The following DOP1A variants were observed in gnomAD, a reference collection of about 807,000 sequenced individuals.
DOP1A encodes the protein DOP1 leucine zipper like protein A.
A neutral mutation model predicts 267.6 loss-of-function variants in DOP1A; 90 were observed. That is an observed-to-expected ratio of 0.34 (90% CI 0.28 to 0.40). DOP1A has a LOEUF of 0.40. Among genes scored for constraint, DOP1A ranks in the 10% least tolerant of loss-of-function variants. The probability of loss-of-function intolerance (pLI) is 1.00; values close to 1 mark genes in which losing one functional copy is unlikely to be tolerated. For synonymous variants in DOP1A, 932 were observed against 999.1 expected, an observed-to-expected ratio of 0.93 and a Z score of 1.27; for missense variants, 2,437 against 2,900.4, an observed-to-expected ratio of 0.84 and a Z score of 3.67.
intron 4 of DOP1A, among the ~76,000 whole-genome samples, chr6:83,106,167 A>T (rs945360267): frequency 1.3e-5 from 2 of 152,256 alleles, no homozygotes; most frequent in African/African-American, 4.8e-5. Flanking sequence ...AACCTATTAC[A>T]TGATAGAATA....
Position 83,157,396 on chromosome 6 carries a change from T to C in DOP1A, c.6741+78T>C, listed in dbSNP as rs1783023755. The C allele has an allele frequency of 2.8e-6, 4 of 1,443,668 alleles. No homozygotes were observed. The Admixed American group carries it at 7.1e-5, about 25-fold the overall frequency. 89.4% of individuals were successfully genotyped at this position (1,443,668 alleles called of 1,614,324 possible). ...TTAGTTTCCATGTGCTTACTAGATATTAACGAATATTGGGAGAGAACTGAG... is the reference window on the plus strand; with the variant it reads ...TTAGTTTCCATGTGCTTACTAGATACTAACGAATATTGGGAGAGAACTGAG... On this transcript the variant is annotated intron_variant, in intron 35 of 38. Coordinates refer to ENST00000349129, the MANE Select transcript of DOP1A (RefSeq NM_015018.4).
Position 83,167,978 on chromosome 6 carries a change from C to T in DOP1A, c.7209C>T (p.Leu2403=), listed in dbSNP as rs1377087855. The T allele has an allele frequency of 6.2e-7, 1 of 1,614,182 alleles. No individual in the cohort carries two copies. Among genetic ancestry groups the T allele is most frequent in the East Asian group, 2.2e-5 (1 of 44,880 alleles). ...AGCTCCTGCCGTTCTTCAATGTGCTCAGTCAAGTCTTCAACAGCAAAGTCA... is the reference window on the plus strand; with the variant it reads ...AGCTCCTGCCGTTCTTCAATGTGCTTAGTCAAGTCTTCAACAGCAAAGTCA... ...MEQLLPFFNV[L]SQVFNSKVTS... Residue 2403 remains leucine (L), a synonymous_variant, in exon 39 of 39, where the codon CTC becomes CTT. Transcript: ENST00000349129.
intron 3 of DOP1A, among the ~76,000 whole-genome samples, chr6:83,099,883 G>A (rs1772253373): frequency 1.3e-5 from 2 of 151,848 alleles, no homozygotes; most frequent in Non-Finnish European, 2.9e-5. Flanking sequence ...AGTTTATTCT[G>A]TAAAATAAGA....
chr6:83,138,118 AT>A lies in DOP1A; in HGVS notation c.4079del (p.Phe1360SerfsTer33). ...MGSPGSRKSP[N>X]FNIHPLYQHV... Reference sequence around the variant, plus strand: ...TCTCCAGGATCTCGAAAATCTCCCAATTTCAACATTCATCCTCTCTATCAAC... The same window carrying A: ...TCTCCAGGATCTCGAAAATCTCCCAATTCAACATTCATCCTCTCTATCAAC... On this transcript the variant is annotated frameshift_variant, in exon 21 of 39. Coordinates refer to ENST00000349129, the MANE Select transcript of DOP1A (RefSeq NM_015018.4). LOFTEE classifies it high-confidence loss of function. The A allele has an allele frequency of 2.5e-6, 4 of 1,613,864 alleles. No homozygotes were observed. Among genetic ancestry groups the A allele is most frequent in the Non-Finnish European group, 3.4e-6 (4 of 1,179,864 alleles).
downstream of DOP1A, chr6:83,169,606 A>G (rs528623606): frequency 2.2e-6 from 1 of 458,060 alleles, no homozygotes; most frequent in East Asian, 5.1e-5. Flanking sequence ...ATAAAACTTT[A>G]ATCCACAATT....
At chr6:83,107,886 C>A (rs1289560595) in intron 4 of DOP1A, among the ~76,000 whole-genome samples, 1 of 152,128 alleles carries the variant, frequency 6.6e-6, no homozygotes, top group Non-Finnish European at 1.5e-5. Context: ...GCAGAGGGTA[C>A]AGGAGTAAAA....
In DOP1A at chr6:83,128,951, G is replaced by C. The variant is rs753464181; in HGVS notation, c.1784G>C (p.Ser595Thr). 6.3e-7 allele frequency: 1 copy of C among 1,575,884 alleles called. No homozygotes were observed. Among genetic ancestry groups the C allele is most frequent in the Non-Finnish European group, 8.6e-7 (1 of 1,159,812 alleles). The change falls in exon 16 of 39, where the codon AGT becomes ACT. Residue 595 changes from serine (S) to threonine (T), a missense_variant. This residue lies in a region of DOP1A where 498 missense variants were observed against 513.5 expected (regional missense o/e 0.97). Transcript: ENST00000349129. ...VFEDGENPPS[S>T]RSSESGFTEF... is the part of the protein sequence containing the mutation. ...GAAGATGGAGAAAATCCACCAAGTA[G>C]TCGATCATCAGAGAGTGGATTCACT... is the stretch of plus-strand genomic sequence containing the variant.
chr6:83,154,414 T>G, intron 33 of DOP1A, 173 bp downstream of exon 33: 1 of 612,790 alleles, frequency 1.6e-6, no homozygotes, highest in Non-Finnish European at 2.8e-6. Context: ...TATGGGAATA[T>G]AATCTTAAAA....
intron 33 of DOP1A, among the ~76,000 whole-genome samples, chr6:83,155,210 C>G (rs912138718): frequency 1.3e-5 from 2 of 151,542 alleles, no homozygotes; most frequent in Admixed American, 6.6e-5. Flanking sequence ...GCCTGTAATC[C>G]TAGCACTTTG....
At chr6:83,115,327 A>T (rs546113124) in intron 7 of DOP1A, among the ~76,000 whole-genome samples, 252 of 152,348 alleles carry the variant, frequency 1.7e-3, no homozygotes, top group African/African-American at 5.8e-3. Context: ...ATATGTATAC[A>T]TTCTGGAATC....
In DOP1A at chr6:83,159,947, C is replaced by T; in HGVS notation, c.6949C>T (p.Pro2317Ser). The T allele has an allele frequency of 1.2e-6, 2 of 1,614,028 alleles. No individual in the cohort carries two copies. Among genetic ancestry groups the T allele is most frequent in the Non-Finnish European group, 1.7e-6 (2 of 1,179,994 alleles). ...TCTCGCATTGCCCTCTGAAAACCTT[C>T]CTCAGTTTCAGATGTAAGTAAAAGC... The part of the protein sequence containing the change: ...LALALPSENL[P>S]QFQMYRWAFI... The change falls in exon 37 of 39, where the codon CCT becomes TCT. Residue 2317 changes from proline to serine, a missense_variant. Around this residue, in one of 9 missense-constraint regions of DOP1A, gnomAD observed 197 missense variants for 246.5 expected, o/e 0.80. Transcript: ENST00000349129.
chr6:83,125,177 T>C lies in DOP1A; in HGVS notation c.1467T>C (p.Ser489=), dbSNP rs376198830. The change falls in exon 14 of 39, where the codon AGT becomes AGC. Residue 489 remains serine, a synonymous_variant. Coordinates refer to ENST00000349129, the MANE Select transcript of DOP1A (RefSeq NM_015018.4). ...LLDIVSLPTR[S]MRVLCQETYI... is the part of the protein sequence containing the mutation. ...TTCTCATTTTGAAGCCTACTAGAAGTATGAGGGTGCTGTGTCAGGTATGAC... is the reference window on the plus strand; with the variant it reads ...TTCTCATTTTGAAGCCTACTAGAAGCATGAGGGTGCTGTGTCAGGTATGAC... The C allele has an allele frequency of 6.3e-6, 10 of 1,583,516 alleles. No individual in the cohort carries two copies. Among genetic ancestry groups the C allele is most frequent in the Non-Finnish European group, 7.7e-6 (9 of 1,171,594 alleles).
At chr6:83,076,383 G>A (rs912218333) in intron 1 of DOP1A, among the ~76,000 whole-genome samples, 7 of 152,226 alleles carry the variant, frequency 4.6e-5, no homozygotes, top group Non-Finnish European at 7.4e-5. Flanking sequence ...TTAGCTGGGC[G>A]TGGTGGTGCA....
intron 34 of DOP1A, among the ~76,000 whole-genome samples, chr6:83,156,790 C>T (rs547192057): frequency 6.6e-6 from 1 of 152,294 alleles, no homozygotes; most frequent in Admixed American, 6.5e-5. Context: ...CCTTTTACGC[C>T]TAATTTCAGA....
chr6:83,106,438 T>C (rs569507153), intron 4 of DOP1A, among the ~76,000 whole-genome samples: 20 of 151,704 alleles, frequency 1.3e-4, no homozygotes, highest in African/African-American at 4.1e-4. Flanking sequence ...AATGAGATCA[T>C]TTTAAGAGTA....
chr6:83,142,851 G>A (rs1028536660), intron 24 of DOP1A, among the ~76,000 whole-genome samples: 4 of 152,002 alleles, frequency 2.6e-5, no homozygotes, highest in Non-Finnish European at 4.4e-5. Context: ...GAGTTTCAAA[G>A]CTCAAGAGAA....
intron 16 of DOP1A, 83 bp downstream of exon 16, chr6:83,129,591 GT>G (rs906313640): frequency 9.2e-6 from 12 of 1,301,408 alleles, no homozygotes; most frequent in South Asian, 7.1e-5. Context: ...CAAAACTGGG[GT>G]TTTTTTAGCC....
intron 3 of DOP1A, 62 bp from the exon 4 acceptor site, chr6:83,100,643 A>G: frequency 8.5e-7 from 1 of 1,178,396 alleles, no homozygotes; most frequent in Non-Finnish European, 1.1e-6. Flanking sequence ...ATGCTAGAAA[A>G]TGGAAGTAAA....
intron 4 of DOP1A, among the ~76,000 whole-genome samples, chr6:83,101,484 A>G (rs937379976): frequency 6.6e-6 from 1 of 152,172 alleles, no homozygotes; most frequent in Admixed American, 6.5e-5. Flanking sequence ...TGGCCTGAGA[A>G]AAAAATAGGA....
Sources: gnomAD v4.1 joint callset for allele counts (sites outside exome capture counted in the v4.1 genomes callset) on GRCh38, gnomAD v4.1.1 for gene constraint, gnomAD v4.1.1 regional missense constraint, MANE v1.5 for transcripts, NCBI Gene and HGNC (gene_info 2026-07-23, HGNC 2026-07-21) for gene names.